The following CEP112 variants were observed in gnomAD, a reference collection of about 807,000 sequenced individuals.
CEP112 encodes centrosomal protein 112.
In CEP112, 127 loss-of-function variants were observed where a neutral mutation model predicts 153.0. That is an observed-to-expected ratio of 0.83 (90% confidence interval 0.72 to 0.96). The LOEUF is 0.96. Among genes scored for constraint, CEP112 ranks in the 40% least tolerant of loss-of-function variants. The pLI is 0.00. For synonymous variants in CEP112, 358 were observed against 374.4 expected (o/e 0.96, Z 0.51); for missense variants, 1,089 against 1,101.2 (o/e 0.99, Z 0.16).
intron 26 of CEP112, among the ~76,000 whole-genome samples, chr17:65,636,353 G>A (rs547437090): frequency 5.3e-4 from 80 of 152,328 alleles, no homozygotes; most frequent in African/African-American, 1.7e-3. Context: ...GGGTACTCAA[G>A]TCACTGTGAG....
At position 66,112,350 on chromosome 17, in the gene CEP112, T is replaced by C. The variant is rs182148601; in HGVS notation, c.643-15718A>G. ...AAAGATGTCAATACACTTGAGAAAA[T>C]TGAGGAAAAAAACTTGGGGCACATT... is the stretch of plus-strand genomic sequence containing the variant. On this transcript the variant is annotated intron_variant, in intron 6 of 26. Transcript: ENST00000535342. Among the ~76,000 whole-genome samples, 9 of 151,138 alleles carry C rather than the reference T, an allele frequency of 6.0e-5. No individual in the cohort carries two copies. The South Asian group carries it at 8.5e-4, about 14-fold the overall frequency.
chr17:65,750,381 G>A (rs2051747118), intron 22 of CEP112, among the ~76,000 whole-genome samples: 1 of 152,164 alleles, frequency 6.6e-6, no homozygotes, highest in Non-Finnish European at 1.5e-5. Context: ...GCTTGTTCAA[G>A]TGTATAGGCT....
At chr17:65,979,558 G>C (rs953132402) in intron 17 of CEP112, among the ~76,000 whole-genome samples, 14 of 152,140 alleles carry the variant, frequency 9.2e-5, no homozygotes, top group African/African-American at 2.9e-4. Context: ...CTTTCTAAAT[G>C]GTAGGGATAA....
chr17:65,846,358 G>A (rs1279792044), intron 21 of CEP112, among the ~76,000 whole-genome samples: 2 of 152,060 alleles, frequency 1.3e-5, no homozygotes, highest in Non-Finnish European at 2.9e-5. Context: ...AAAGATTAAT[G>A]CTATGTTTTT....
intron 11 of CEP112, among the ~76,000 whole-genome samples, chr17:66,058,124 G>A (rs571504257): frequency 2.1e-4 from 31 of 150,320 alleles, no homozygotes; most frequent in African/African-American, 6.3e-4. Flanking sequence ...GCAGGTTTAC[G>A]TATTTACACA....
chr17:65,859,206 G>A (rs2058220941), intron 20 of CEP112, among the ~76,000 whole-genome samples: 1 of 152,038 alleles, frequency 6.6e-6, no homozygotes, highest in Admixed American at 6.5e-5. Flanking sequence ...CACTTTGAGA[G>A]GCCGAGGCGG....
At chr17:65,960,992 G>T (rs752776329) in intron 18 of CEP112, among the ~76,000 whole-genome samples, 2 of 143,446 alleles carry the variant, frequency 1.4e-5, no homozygotes, top group African/African-American at 5.0e-5. Flanking sequence ...TACAAATTTT[G>T]TATTTTCTTT....
intron 5 of CEP112, among the ~76,000 whole-genome samples, chr17:66,131,800 A>G (rs1290954012): frequency 6.6e-6 from 1 of 152,086 alleles, no homozygotes. Flanking sequence ...TCTTGTAACT[A>G]AAAGTCATGT....
chr17:65,735,443 C>T (rs558922184), intron 23 of CEP112, among the ~76,000 whole-genome samples: 80 of 151,962 alleles, frequency 5.3e-4, no homozygotes, highest in Middle Eastern at 3.4e-3. Context: ...GATGTATCCT[C>T]GAGGTTTGAG....
chr17:66,140,804 ATTT>A (rs966181248), intron 4 of CEP112, among the ~76,000 whole-genome samples: 1 of 149,656 alleles, frequency 6.7e-6, no homozygotes, highest in East Asian at 2.0e-4. Context: ...CGCCTGGCTA[ATTT>A]TTTTTTTATT....
At chr17:66,015,379 TTGAG>T (rs1215307212) in intron 16 of CEP112, among the ~76,000 whole-genome samples, 2 of 123,188 alleles carry the variant, frequency 1.6e-5, no homozygotes, top group African/African-American at 5.2e-5. Flanking sequence ...TTTTTCGTTC[TTGAG>T]TATTTTTTTT....
chr17:65,685,458 C>T (rs1014388109), intron 24 of CEP112, among the ~76,000 whole-genome samples: 4 of 152,032 alleles, frequency 2.6e-5, no homozygotes, highest in Non-Finnish European at 5.9e-5. Flanking sequence ...ACAATATTTG[C>T]TTGAAAAGAA....
intron 22 of CEP112, among the ~76,000 whole-genome samples, chr17:65,744,997 T>C (rs1390154993): frequency 3.9e-5 from 6 of 152,184 alleles, no homozygotes; most frequent in Non-Finnish European, 8.8e-5. Flanking sequence ...CAACTATTAT[T>C]TGGTGACAAA....
At chr17:65,652,407 A>G (rs1451920561) in intron 24 of CEP112, among the ~76,000 whole-genome samples, 1 of 152,156 alleles carries the variant, frequency 6.6e-6, no homozygotes, top group Non-Finnish European at 1.5e-5. Context: ...CAAAATTTTT[A>G]TAAGTTGCAC....
At chr17:65,712,819 G>T (rs368179178) in intron 23 of CEP112, among the ~76,000 whole-genome samples, 1 of 152,156 alleles carries the variant, frequency 6.6e-6, no homozygotes, top group East Asian at 1.9e-4. Context: ...GGTGGGTGCT[G>T]TGGGCGATAC....
chr17:65,721,793 C>T (rs533385969), intron 23 of CEP112, among the ~76,000 whole-genome samples: 1 of 151,972 alleles, frequency 6.6e-6, no homozygotes, highest in African/African-American at 2.4e-5. Context: ...ATAATAACCT[C>T]TTTTCTAAAT....
chr17:65,884,497 A>T (rs934576091), intron 20 of CEP112, among the ~76,000 whole-genome samples: 1 of 152,160 alleles, frequency 6.6e-6, no homozygotes, highest in Non-Finnish European at 1.5e-5. Flanking sequence ...TAGGTAAAAT[A>T]TATTTCCTGA....
chr17:66,137,628 G>A (rs866996284), intron 4 of CEP112, among the ~76,000 whole-genome samples: 1 of 152,118 alleles, frequency 6.6e-6, no homozygotes, highest in Non-Finnish European at 1.5e-5. Flanking sequence ...TTTTTCAACA[G>A]AAACTTTATA....
At chr17:65,941,935 G>C (rs141943389) in intron 18 of CEP112, among the ~76,000 whole-genome samples, 8 of 152,034 alleles carry the variant, frequency 5.3e-5, no homozygotes, top group African/African-American at 1.9e-4. Flanking sequence ...AGACAAGTGT[G>C]AGCCACCACA....
Sources: gnomAD v4.1 joint callset for allele counts (sites outside exome capture counted in the v4.1 genomes callset) on GRCh38, gnomAD v4.1.1 for gene constraint, MANE v1.5 for transcripts, NCBI Gene and HGNC (gene_info 2026-07-23, HGNC 2026-07-21) for gene names.